ZNF230: variants seen among roughly 807,000 people sequenced by gnomAD.
ZNF230 encodes zinc finger protein FDZF2.
In ZNF230, 12 loss-of-function variants were observed where a neutral mutation model predicts 10.0. The ratio of observed to expected loss-of-function variants is 1.20; its 90% CI spans 0.77 to 1.95. ZNF230 has a LOEUF of 1.95. Ranked by LOEUF, ZNF230 falls within the 30% of genes most tolerant of loss-of-function variation. The probability of loss-of-function intolerance (pLI) is 0.00; values close to 1 mark genes in which losing one functional copy is unlikely to be tolerated. For synonymous variants in ZNF230, 174 were observed against 193.6 expected, an observed-to-expected ratio of 0.90 and a Z score of 0.84; for missense variants, 532 against 565.8, an observed-to-expected ratio of 0.94 and a Z score of 0.61.
chr19:44,010,459 A>G lies in ZNF230; in HGVS notation c.420A>G (p.Ser140=). 6.2e-7 allele frequency: 1 copy of G among 1,614,232 alleles called. No homozygotes were observed. The highest frequency in any genetic ancestry group is 8.5e-7 in the Non-Finnish European group (1 of 1,180,040). The change falls in exon 5 of 5, where the codon TCA becomes TCG. Residue 140 remains serine, a synonymous_variant. Transcript: ENST00000429154. The part of the protein sequence containing the change: ...LSIIHTGQKP[S]QNGKCKQSFS... Reference sequence around the variant, plus strand: ...TAATTCATACAGGACAGAAACCTTCACAGAATGGGAAGTGTAAACAGTCCT... The same window carrying G: ...TAATTCATACAGGACAGAAACCTTCGCAGAATGGGAAGTGTAAACAGTCCT...
At chr19:44,009,023 T>C (rs1008920975) in intron 3 of ZNF230, 61 bp from the exon 4 acceptor site, 21 of 1,605,472 alleles carry the variant, frequency 1.3e-5, no homozygotes, top group Non-Finnish European at 1.7e-5. Context: ...TTCCAGTAAA[T>C]TTTACCTTGA....
chr19:44,011,056 A>G lies in ZNF230; in HGVS notation c.1017A>G (p.Lys339=), dbSNP rs145610115. ...IHTGQKPYNC[K]ECGKSFRWSS... ...CAGGACAGAAACCGTACAATTGTAA[A>G]GAATGTGGGAAGAGCTTCAGATGGT... The change falls in exon 5 of 5, where the codon AAA becomes AAG. Residue 339 remains lysine, a synonymous_variant. Transcript: ENST00000429154. The G allele has an allele frequency of 3.6e-4, 578 of 1,614,226 alleles. 2 individuals are homozygous for G. In the African/African-American group the frequency reaches 7.0e-3, roughly 19 times the overall value.
chr19:44,005,572 A>C (rs1435942174), intron 1 of ZNF230, among the ~76,000 whole-genome samples: 1 of 152,184 alleles, frequency 6.6e-6, no homozygotes, highest in African/African-American at 2.4e-5. Flanking sequence ...GTAGTTACAT[A>C]TTTAAATTTG....
intron 1 of ZNF230, chr19:44,003,587 A>T (rs1976090538): frequency 6.4e-6 from 1 of 156,524 alleles, no homozygotes; most frequent in African/African-American, 2.4e-5. Context: ...TTTTTAGGAA[A>T]GCGAGTTGCG....
Position 44,011,485 on chromosome 19 carries a change from A to G in ZNF230, c.*21A>G, listed in dbSNP as rs1453405414. 1 of 1,541,774 alleles carries G rather than the reference A, an allele frequency of 6.5e-7. No individual in the cohort carries two copies. Among genetic ancestry groups the G allele is most frequent in the Non-Finnish European group, 8.7e-7 (1 of 1,144,270 alleles). ...TGTAAGTTGTACATATATATGGGAT[A>G]TGGTATGAAATTTTAATATGTGTAT... On this transcript the variant is annotated 3_prime_UTR_variant, in exon 5 of 5. Coordinates refer to ENST00000429154, the MANE Select transcript of ZNF230 (RefSeq NM_006300.4).
intron 1 of ZNF230, chr19:44,006,741 T>C: frequency 5.0e-6 from 1 of 199,948 alleles, no homozygotes. Context: ...GGTGACTGGC[T>C]TCTTTCTCTT....
Position 44,010,765 on chromosome 19 carries a change from C to A in ZNF230, c.726C>A (p.His242Gln), listed in dbSNP as rs754708088. The change falls in exon 5 of 5, where the codon CAC becomes CAA. Residue 242 changes from histidine to glutamine, a missense_variant. His to Gln is a conservative substitution (Grantham distance 24). Transcript: ENST00000429154. ...GFRCRAILQV[H>Q]CKLHTGEKPY... ...GATGTAGAGCGATACTTCAAGTTCACTGCAAATTACACACAGGAGAGAAAC... is the reference window on the plus strand; with the variant it reads ...GATGTAGAGCGATACTTCAAGTTCAATGCAAATTACACACAGGAGAGAAAC... 1 of 1,614,184 alleles carries A rather than the reference C, an allele frequency of 6.2e-7. No homozygotes were observed. The highest frequency in any genetic ancestry group is 8.5e-7 in the Non-Finnish European group (1 of 1,180,022).
At chr19:44,004,032 C>T (rs1344572743) in intron 1 of ZNF230, 2 of 152,328 alleles carry the variant, frequency 1.3e-5, no homozygotes, top group Admixed American at 1.3e-4. Flanking sequence ...CTCTTGGATA[C>T]ATTCTCATTG....
chr19:44,011,113 C>T lies in ZNF230; in HGVS notation c.1074C>T (p.His358=), dbSNP rs762365882. ...ATCTTTTGATCCATCAGCGAATCCACAGTGGAGAAAAACCATACAGATGTG... is the reference window on the plus strand; with the variant it reads ...ATCTTTTGATCCATCAGCGAATCCATAGTGGAGAAAAACCATACAGATGTG... ...SSYLLIHQRI[H]SGEKPYRCEE... Residue 358 remains histidine, a synonymous_variant, in exon 5 of 5, where the codon CAC becomes CAT. Coordinates refer to ENST00000429154, the MANE Select transcript of ZNF230 (RefSeq NM_006300.4). The T allele has an allele frequency of 3.7e-5, 59 of 1,614,028 alleles. No individual in the cohort carries two copies. Among genetic ancestry groups the T allele is most frequent in the Non-Finnish European group, 4.9e-5 (58 of 1,180,026 alleles).
intron 2 of ZNF230, among the ~76,000 whole-genome samples, chr19:44,008,221 A>T (rs1976140174): frequency 6.6e-6 from 1 of 152,182 alleles, no homozygotes; most frequent in African/African-American, 2.4e-5. Flanking sequence ...TTGGACTAGA[A>T]CCAAAGAAGG....
rs1429521707 is a variant in ZNF230, at chr19:44,013,484, CTG to C, written c.*2023_*2024del. 3.9e-5 allele frequency: 6 copies of C among 152,264 alleles called. No individual in the cohort carries two copies. Among genetic ancestry groups the C allele is most frequent in the African/African-American group, 9.6e-5 (4 of 41,556 alleles). The allele number at this position is 152,264 out of a possible 1,614,324, so 9.4% of individuals were successfully genotyped here. A position where few individuals can be genotyped will look rare whatever the true frequency, so the allele number is the denominator to read the frequency against. On this transcript the variant is annotated 3_prime_UTR_variant, in exon 5 of 5. Coordinates refer to ENST00000429154, the MANE Select transcript of ZNF230 (RefSeq NM_006300.4). The stretch of plus-strand genomic sequence containing the variant: ...GGAAATTATGATTATGATGTTAAAA[CTG>C]TGAAAAGTAGAAAACCACATGGATG...
chr19:44,010,204 G>C, intron 4 of ZNF230, 65 bp from the exon 5 acceptor site: 1 of 1,442,754 alleles, frequency 6.9e-7, no homozygotes, highest in Non-Finnish European at 9.4e-7. Flanking sequence ...TCCTAAGTGT[G>C]AAATCTTAAA....
At chr19:44,006,425 C>T (rs1448369391) in intron 1 of ZNF230, among the ~76,000 whole-genome samples, 1 of 152,180 alleles carries the variant, frequency 6.6e-6, no homozygotes, top group Non-Finnish European at 1.5e-5. Context: ...ACTCAGAATT[C>T]AGTCTTATGA....
At position 44,013,469 on chromosome 19, in the gene ZNF230, A is replaced by G. The variant is rs1000433956; in HGVS notation, c.*2005A>G. 62 of 152,330 alleles carry G rather than the reference A, an allele frequency of 4.1e-4. No individual in the cohort carries two copies. The highest frequency in any genetic ancestry group is 1.4e-3 in the African/African-American group (60 of 41,574). The allele number at this position is 152,330 out of a possible 1,614,324, so 9.4% of individuals were successfully genotyped here. A position where few individuals can be genotyped will look rare whatever the true frequency, so the allele number is the denominator to read the frequency against. ...GGAAATGATGGGATAGGAAATTATG[A>G]TTATGATGTTAAAACTGTGAAAAGT... On this transcript the variant is annotated 3_prime_UTR_variant, in exon 5 of 5. Transcript: ENST00000429154.
intron 1 of ZNF230, among the ~76,000 whole-genome samples, chr19:44,006,471 A>G (rs1976125264): frequency 6.6e-6 from 1 of 152,172 alleles, no homozygotes; most frequent in Non-Finnish European, 1.5e-5. Context: ...TTTTTTTTCA[A>G]CTCTATTGAG....
chr19:44,011,105 C>T lies in ZNF230; in HGVS notation c.1066C>T (p.Arg356Ter), dbSNP rs769111933. 3.7e-6 allele frequency: 6 copies of T among 1,613,856 alleles called. No homozygotes were observed. The highest frequency in any genetic ancestry group is 4.5e-5 in the East Asian group (2 of 44,892). Residue 356 changes from arginine to a stop codon, truncating the protein, a stop_gained, in exon 5 of 5, where the codon CGA (arginine) becomes TGA (stop). Transcript: ENST00000429154. LOFTEE classifies it low-confidence loss of function (END_TRUNC). ...GTCCTCATATCTTTTGATCCATCAG[C>T]GAATCCACAGTGGAGAAAAACCATA... ...RWSSYLLIHQ[R>*]IHSGEKPYRC... is the part of the protein sequence containing the mutation.
Position 44,008,713 on chromosome 19 carries a change from C to G in ZNF230, c.16-77C>G, listed in dbSNP as rs11880006. On this transcript the variant is annotated intron_variant, in intron 2 of 4. Coordinates refer to ENST00000429154, the MANE Select transcript of ZNF230 (RefSeq NM_006300.4). Reference sequence around the variant, plus strand: ...CTATAAGTTGACCTCCACTTCTCCTCTCCGCCTGCTCAATGCTGCTCCTCC... The same window carrying G: ...CTATAAGTTGACCTCCACTTCTCCTGTCCGCCTGCTCAATGCTGCTCCTCC... 22,949 of 1,537,408 alleles carry G rather than the reference C, an allele frequency of 0.015. 1,439 individuals carry two copies. The African/African-American group carries it at 0.18, about 12-fold the overall frequency.
At chr19:44,005,841 A>G (rs1391371547) in intron 1 of ZNF230, among the ~76,000 whole-genome samples, 1 of 152,174 alleles carries the variant, frequency 6.6e-6, no homozygotes, top group East Asian at 1.9e-4. Context: ...GTGAGCTGAG[A>G]TCGCGCCACT....
chr19:44,008,206 A>G (rs1443861654), intron 2 of ZNF230, among the ~76,000 whole-genome samples: 1 of 152,110 alleles, frequency 6.6e-6, no homozygotes, highest in African/African-American at 2.4e-5. Flanking sequence ...ATTATCTTTT[A>G]TGGATTGGAC....
Sources: allele counts gnomAD v4.1 joint callset (sites outside exome capture counted in the v4.1 genomes callset), GRCh38; gene constraint gnomAD v4.1.1; transcripts MANE v1.5; gene names NCBI Gene and HGNC (gene_info 2026-07-23, HGNC 2026-07-21).